Variants in SLC39A11 observed in about 807,000 individuals in gnomAD.
SLC39A11 encodes the protein solute carrier family 39 member 11.
Under a neutral mutation model 36.1 loss-of-function variants are expected in SLC39A11, and 33 were observed. That is an observed-to-expected ratio of 0.91 (90% confidence interval 0.69 to 1.22). The LOEUF is 1.22. Among genes scored for constraint, SLC39A11 ranks in the 50% most tolerant of loss-of-function variants. The pLI is 0.00. For missense variants in SLC39A11, 432 were observed against 430.3 expected (o/e 1.00, Z -0.03); for synonymous variants, 166 against 170.3 (o/e 0.97, Z 0.20).
intron 7 of SLC39A11, among the ~76,000 whole-genome samples, chr17:72,696,043 G>A (rs1208234904): frequency 2.0e-5 from 3 of 152,230 alleles, no homozygotes; most frequent in Non-Finnish European, 4.4e-5. Flanking sequence ...GATGCTGGGC[G>A]TGGTGAAACA....
chr17:72,665,502 C>T (rs2070713528), intron 7 of SLC39A11, among the ~76,000 whole-genome samples: 1 of 148,004 alleles, frequency 6.8e-6, no homozygotes, highest in Admixed American at 6.9e-5. Context: ...GCTATCCTCC[C>T]ATCTCAGCCT....
chr17:72,908,595 G>C (rs2082792357), intron 5 of SLC39A11, among the ~76,000 whole-genome samples: 2 of 152,220 alleles, frequency 1.3e-5, no homozygotes, highest in Admixed American at 1.3e-4. Flanking sequence ...AGGCGGATGG[G>C]TTTCTTTAGG....
chr17:72,674,501 TA>T (rs780718773), intron 7 of SLC39A11, among the ~76,000 whole-genome samples: 3 of 152,230 alleles, frequency 2.0e-5, no homozygotes, highest in Non-Finnish European at 4.4e-5. Flanking sequence ...TGTAATGGAT[TA>T]CCTTGTGTGT....
At chr17:72,685,216 C>A (rs1241195228) in intron 7 of SLC39A11, among the ~76,000 whole-genome samples, 1 of 152,228 alleles carries the variant, frequency 6.6e-6, no homozygotes, top group Non-Finnish European at 1.5e-5. Flanking sequence ...CAGATACCCC[C>A]ACGCTGGACA....
At chr17:72,889,445 G>GTGGAGGTTGCAGTGAGCTGAGA in intron 5 of SLC39A11, among the ~76,000 whole-genome samples, 1 of 152,012 alleles carries the variant, frequency 6.6e-6, no homozygotes, top group African/African-American at 2.4e-5. Context: ...AACCTGGGAG[G>GTGGAGGTTGCAGTGAGCTGAGA]TGGAGGTTGC....
intron 6 of SLC39A11, among the ~76,000 whole-genome samples, chr17:72,811,786 C>T (rs2077442560): frequency 6.6e-6 from 1 of 152,198 alleles, no homozygotes; most frequent in Admixed American, 6.5e-5. Flanking sequence ...TTCAACCAGA[C>T]ACATGATTTC....
chr17:72,783,647 TG>T (rs1051067443), intron 6 of SLC39A11, among the ~76,000 whole-genome samples: 1 of 152,120 alleles, frequency 6.6e-6, no homozygotes, highest in African/African-American at 2.4e-5. Context: ...TGTGAAGCCG[TG>T]GGGGCAGGGA....
At chr17:72,688,593 G>A (rs1301865864) in intron 7 of SLC39A11, among the ~76,000 whole-genome samples, 4 of 152,198 alleles carry the variant, frequency 2.6e-5, no homozygotes, top group African/African-American at 9.6e-5. Context: ...AGGACTTCAG[G>A]TGGCAATGGG....
chr17:72,661,077 C>T (rs544260112), intron 7 of SLC39A11, among the ~76,000 whole-genome samples: 91 of 152,374 alleles, frequency 6.0e-4, no homozygotes, highest in African/African-American at 2.1e-3. Flanking sequence ...GGAGTGCAGG[C>T]TTCTAGGGAA....
intron 4 of SLC39A11, 72 bp downstream of exon 4, chr17:73,031,484 G>T: frequency 1.3e-6 from 2 of 1,533,358 alleles, no homozygotes; most frequent in Non-Finnish European, 1.8e-6. Flanking sequence ...TGTCAGGTTT[G>T]ATCAGAAATA....
At chr17:72,986,325 G>A (rs901652414) in intron 4 of SLC39A11, among the ~76,000 whole-genome samples, 1 of 152,126 alleles carries the variant, frequency 6.6e-6, no homozygotes, top group Non-Finnish European at 1.5e-5. Context: ...TGCAAACCAC[G>A]GCTGGGGAGC....
chr17:73,018,774 T>C (rs2058250344), intron 4 of SLC39A11, among the ~76,000 whole-genome samples: 1 of 151,482 alleles, frequency 6.6e-6, no homozygotes, highest in Non-Finnish European at 1.5e-5. Context: ...ACACAGGAAT[T>C]ACCCTGTCCA....
At chr17:73,087,533 G>A (rs956350326) in intron 2 of SLC39A11, among the ~76,000 whole-genome samples, 14 of 152,174 alleles carry the variant, frequency 9.2e-5, no homozygotes, top group African/African-American at 2.7e-4. Context: ...CCAGGGCTGC[G>A]GACTGAGGGT....
intron 7 of SLC39A11, among the ~76,000 whole-genome samples, chr17:72,692,639 C>T (rs1319516959): frequency 6.6e-6 from 1 of 152,230 alleles, no homozygotes; most frequent in Admixed American, 6.5e-5. Context: ...CCCTGGTTCC[C>T]TCCCACAATT....
chr17:72,713,247 C>T (rs1044057325), intron 7 of SLC39A11, among the ~76,000 whole-genome samples: 3 of 152,144 alleles, frequency 2.0e-5, no homozygotes, highest in Non-Finnish European at 2.9e-5. Flanking sequence ...AGCCACAGTC[C>T]TAAAGCCTGG....
intron 7 of SLC39A11, among the ~76,000 whole-genome samples, chr17:72,725,944 G>T (rs1185085753): frequency 6.6e-6 from 1 of 152,226 alleles, no homozygotes; most frequent in Non-Finnish European, 1.5e-5. Flanking sequence ...TGCTGTGAAA[G>T]GGTGGGGACA....
chr17:72,744,019 G>A (rs1454003969), intron 6 of SLC39A11, among the ~76,000 whole-genome samples: 4 of 152,162 alleles, frequency 2.6e-5, no homozygotes, highest in Non-Finnish European at 5.9e-5. Flanking sequence ...CTGGAAGGCG[G>A]CTCTGCCTGC....
At chr17:72,723,515 T>C (rs550475221) in intron 7 of SLC39A11, among the ~76,000 whole-genome samples, 1 of 152,294 alleles carries the variant, frequency 6.6e-6, no homozygotes, top group East Asian at 1.9e-4. Flanking sequence ...TCACCCTACA[T>C]GTGGATTGTC....
chr17:72,715,107 G>T lies in SLC39A11; in HGVS notation c.671+21543C>A, dbSNP rs572191828. Among the ~76,000 whole-genome samples, 6 of 152,290 alleles carry T rather than the reference G, an allele frequency of 3.9e-5. No individual in the cohort carries two copies. In the South Asian group the frequency reaches 8.3e-4, roughly 21 times the overall value. On this transcript the variant is annotated intron_variant, in intron 7 of 9. Transcript: ENST00000255559. Reference sequence around the variant, plus strand: ...GGGTCTGCACTCAGGAGGAGGTAAGGGTTGGCTGCATACATCTCATGCACC... The same window carrying T: ...GGGTCTGCACTCAGGAGGAGGTAAGTGTTGGCTGCATACATCTCATGCACC...
Sources: gnomAD v4.1 joint callset for allele counts (sites outside exome capture counted in the v4.1 genomes callset) on GRCh38, gnomAD v4.1.1 for gene constraint, MANE v1.5 for transcripts, NCBI Gene and HGNC (gene_info 2026-07-23, HGNC 2026-07-21) for gene names.